The following VIPAS39 variants were observed in gnomAD, a reference collection of about 807,000 sequenced individuals.
VIPAS39 encodes VPS33B interacting protein, apical-basolateral polarity regulator, spe-39 homolog.
In VIPAS39, 63 loss-of-function variants were observed where a neutral mutation model predicts 84.7. The observed-to-expected ratio is 0.74, with a 90% CI of 0.61 to 0.92. VIPAS39 has a LOEUF of 0.92. VIPAS39 is among the 40% of genes least tolerant of loss of function. The pLI, the probability that VIPAS39 is intolerant of heterozygous loss-of-function variation, is 0.00. For synonymous variants in VIPAS39, 192 were observed against 216.5 expected, an observed-to-expected ratio of 0.89 and a Z score of 0.99; for missense variants, 499 against 604.5, an observed-to-expected ratio of 0.83 and a Z score of 1.83.
chr14:77,436,388 G>A (rs147696318), intron 12 of VIPAS39, among the ~76,000 whole-genome samples: 146 of 152,250 alleles, frequency 9.6e-4, no homozygotes, highest in African/African-American at 3.3e-3. Flanking sequence ...TATGTTTATA[G>A]ATCAGCAAAT....
chr14:77,441,922 T>C (rs1347601227), intron 10 of VIPAS39, among the ~76,000 whole-genome samples: 2 of 152,178 alleles, frequency 1.3e-5, no homozygotes, highest in African/African-American at 4.8e-5. Flanking sequence ...AAAAACATGA[T>C]AGAAGACCTC....
At chr14:77,441,137 G>A (rs769002117) in intron 10 of VIPAS39, 44 bp from the exon 11 acceptor site, 25 of 1,611,290 alleles carry the variant, frequency 1.6e-5, no homozygotes, top group Non-Finnish European at 2.5e-6. Flanking sequence ...ATCTATTGAT[G>A]TGTGGCAGTA....
chr14:77,428,974 T>C (rs767082892), intron 18 of VIPAS39, 32 bp downstream of exon 18: 35 of 1,590,190 alleles, frequency 2.2e-5, no homozygotes, highest in Middle Eastern at 1.7e-4. Flanking sequence ...ACTGAGGATC[T>C]AACGGAGGAC....
At chr14:77,437,739 T>G in intron 12 of VIPAS39, 69 bp downstream of exon 12, 1 of 1,523,652 alleles carries the variant, frequency 6.6e-7, no homozygotes, top group Non-Finnish European at 9.1e-7. Context: ...CATTCCACCC[T>G]TTTTAATTTT....
intron 7 of VIPAS39, among the ~76,000 whole-genome samples, chr14:77,444,656 T>G (rs990640230): frequency 6.6e-6 from 1 of 150,574 alleles, no homozygotes; most frequent in African/African-American, 2.4e-5. Context: ...CACTGCAAGC[T>G]CCGCCTCCCA....
chr14:77,452,121 T>C (rs759485094), intron 3 of VIPAS39, among the ~76,000 whole-genome samples: 14 of 152,130 alleles, frequency 9.2e-5, no homozygotes, highest in South Asian at 2.1e-4. Flanking sequence ...TTTAATACTA[T>C]GCTGCTATTT....
In VIPAS39 at chr14:77,428,492, C is replaced by T. The variant is rs1191655864; in HGVS notation, c.1357-18G>A. 6.2e-7 allele frequency: 1 copy of T among 1,610,886 alleles called. No homozygotes were observed. Among genetic ancestry groups the T allele is most frequent in the Non-Finnish European group, 8.5e-7 (1 of 1,177,518 alleles). On this transcript the variant is annotated intron_variant, in intron 18 of 19. Coordinates refer to ENST00000557658, the MANE Select transcript of VIPAS39 (RefSeq NM_001193315.2). ...CGGTAGGTCTGTGCATCAAAACAAA[C>T]AATACAAACCTCCAATCAGCCTCTG...
At chr14:77,448,649 G>A (rs1412993487) in intron 6 of VIPAS39, 99 bp from the exon 7 acceptor site, 5 of 1,276,998 alleles carry the variant, frequency 3.9e-6, no homozygotes, top group Middle Eastern at 1.9e-4. Context: ...GTCTAAGGGG[G>A]AAATAATTTG....
At chr14:77,448,234 G>A (rs1286603030) in intron 7 of VIPAS39, among the ~76,000 whole-genome samples, 1 of 152,154 alleles carries the variant, frequency 6.6e-6, no homozygotes, top group Non-Finnish European at 1.5e-5. Context: ...GATTACAGGC[G>A]TGAGCCACCA....
In VIPAS39 at chr14:77,427,381, A is replaced by G. The variant is rs1449913904; in HGVS notation, c.*235T>C. ...TAGAAATCACTCCCACCTTCATATGAGCACCAGGTGGAGAGAATCATTCTC... is the reference window on the plus strand; with the variant it reads ...TAGAAATCACTCCCACCTTCATATGGGCACCAGGTGGAGAGAATCATTCTC... On this transcript the variant is annotated 3_prime_UTR_variant, in exon 20 of 20. Transcript: ENST00000557658. The G allele has an allele frequency of 3.5e-6, 2 of 575,356 alleles. No individual in the cohort carries two copies. Among genetic ancestry groups the G allele is most frequent in the Non-Finnish European group, 6.2e-6 (2 of 323,738 alleles). 35.6% of individuals were successfully genotyped at this position (575,356 alleles called of 1,614,324 possible).
chr14:77,431,118 T>C (rs763659826), intron 16 of VIPAS39, among the ~76,000 whole-genome samples: 6 of 152,234 alleles, frequency 3.9e-5, no homozygotes, highest in Admixed American at 2.0e-4. Flanking sequence ...CTCCTTGACA[T>C]TGGCCTTGGC....
At chr14:77,446,813 C>T (rs948745145) in intron 7 of VIPAS39, among the ~76,000 whole-genome samples, 1 of 151,806 alleles carries the variant, frequency 6.6e-6, no homozygotes, top group African/African-American at 2.4e-5. Context: ...TAATTTTCTT[C>T]TTATTTTTTT....
chr14:77,448,860 C>A (rs967374764), intron 6 of VIPAS39, among the ~76,000 whole-genome samples: 7 of 152,170 alleles, frequency 4.6e-5, no homozygotes, highest in African/African-American at 1.7e-4. Context: ...AGGATTCTAA[C>A]AATTAATGCC....
chr14:77,457,022 AAAGGAAAACAG>A, intron 1 of VIPAS39: 1 of 1,285,568 alleles, frequency 7.8e-7, no homozygotes. Context: ...GGAACTTTAC[AAAGGAAAACAG>A]AAGAATCAGC....
chr14:77,455,016 C>T lies in VIPAS39; in HGVS notation c.1-914G>A, dbSNP rs545538753. The stretch of plus-strand genomic sequence containing the variant: ...GCAATTAAAAGAAGCAGAATTATCT[C>T]ACCTAAATCTTCAAATTATGACTAT... On this transcript the variant is annotated intron_variant, in intron 1 of 19. Transcript: ENST00000557658. Among the ~76,000 whole-genome samples, 334 of 152,302 alleles carry T rather than the reference C, an allele frequency of 2.2e-3. 1 individual carries two copies. The highest frequency in any genetic ancestry group is 7.7e-3 in the African/African-American group (321 of 41,558).
chr14:77,443,585 C>A (rs2078736874), intron 8 of VIPAS39, among the ~76,000 whole-genome samples: 1 of 151,324 alleles, frequency 6.6e-6, no homozygotes, highest in Non-Finnish European at 1.5e-5. Context: ...CCTGTCTCTA[C>A]AAAAAAATTT....
At chr14:77,431,416 A>T (rs2078520757) in intron 16 of VIPAS39, among the ~76,000 whole-genome samples, 1 of 152,260 alleles carries the variant, frequency 6.6e-6, no homozygotes. Context: ...CAAGAAGTAC[A>T]TGAAAAGGTG....
intron 3 of VIPAS39, among the ~76,000 whole-genome samples, chr14:77,451,675 C>G (rs1318317757): frequency 6.6e-6 from 1 of 152,062 alleles, no homozygotes; most frequent in Non-Finnish European, 1.5e-5. Context: ...ACAGTCATGT[C>G]TCACGTCAGC....
At chr14:77,454,146 C>T in intron 1 of VIPAS39, 44 bp from the exon 2 acceptor site, 1 of 1,579,280 alleles carries the variant, frequency 6.3e-7, no homozygotes, top group Non-Finnish European at 8.7e-7. Context: ...CTGGGTCTCT[C>T]CCTAAAGAGT....
Sources: gnomAD v4.1 joint callset for allele counts (sites outside exome capture counted in the v4.1 genomes callset) on GRCh38, gnomAD v4.1.1 for gene constraint, MANE v1.5 for transcripts, NCBI Gene and HGNC (gene_info 2026-07-23, HGNC 2026-07-21) for gene names.